The following SLC24A2 variants were observed in gnomAD, a reference collection of about 807,000 sequenced individuals.
SLC24A2 encodes sodium/potassium/calcium exchanger 2.
A neutral mutation model predicts 62.0 loss-of-function variants in SLC24A2; 36 were observed. That is an observed-to-expected ratio of 0.58 (90% CI 0.44 to 0.77). The LOEUF (loss-of-function observed/expected upper bound fraction) is 0.77. Ranked by LOEUF, SLC24A2 falls within the 30% of genes least tolerant of loss-of-function variation. The pLI, the probability that SLC24A2 is intolerant of heterozygous loss-of-function variation, is 0.00. For missense variants in SLC24A2, 846 were observed against 817.9 expected (o/e 1.03, Z -0.42); for synonymous variants, 358 against 294.0 (o/e 1.22, Z -2.23).
chr9:19,795,941 TAA>T, the SLC24A2 span, among the ~76,000 whole-genome samples: 2 of 151,312 alleles, frequency 1.3e-5, no homozygotes, highest in Non-Finnish European at 2.9e-5. Flanking sequence ...TATACAGCCA[TAA>T]AAAAATGATG....
At chr9:19,861,128 T>G in the SLC24A2 span, among the ~76,000 whole-genome samples, 1 of 152,128 alleles carries the variant, frequency 6.6e-6, no homozygotes, top group Non-Finnish European at 1.5e-5. Flanking sequence ...AGGGCTTGGG[T>G]AAGACCCAGT....
At chr9:19,979,718 T>A in the SLC24A2 span, among the ~76,000 whole-genome samples, 1 of 152,174 alleles carries the variant, frequency 6.6e-6, no homozygotes, top group Non-Finnish European at 1.5e-5. Context: ...ATGATCCCAA[T>A]ATCCTAAGGT....
chr9:19,741,061 C>A (rs543219479), intron 2 of SLC24A2, among the ~76,000 whole-genome samples: 22 of 152,236 alleles, frequency 1.4e-4, no homozygotes, highest in African/African-American at 5.1e-4. Context: ...CTCTGTATGT[C>A]CTTCCTGGCA....
the SLC24A2 span, among the ~76,000 whole-genome samples, chr9:19,824,091 A>C: frequency 2.4e-4 from 36 of 152,216 alleles, no homozygotes; most frequent in African/African-American, 6.5e-4. Flanking sequence ...CTAGACAGTA[A>C]TATTCAGGAC....
At chr9:19,973,802 G>C in the SLC24A2 span, among the ~76,000 whole-genome samples, 1 of 152,122 alleles carries the variant, frequency 6.6e-6, no homozygotes, top group Non-Finnish European at 1.5e-5. Flanking sequence ...TTAACTAAAA[G>C]GTTGTTTAAA....
At chr9:20,081,022 T>A in the SLC24A2 span, among the ~76,000 whole-genome samples, 29 of 152,310 alleles carry the variant, frequency 1.9e-4, no homozygotes, top group African/African-American at 6.7e-4. Flanking sequence ...ACTTTTACAA[T>A]GTTGGTGGGA....
chr9:19,926,385 C>T, the SLC24A2 span: 2 of 152,220 alleles, frequency 1.3e-5, no homozygotes, highest in Non-Finnish European at 2.9e-5. Context: ...ACTGGGATCA[C>T]ACAGAGTTCT....
the SLC24A2 span, among the ~76,000 whole-genome samples, chr9:20,256,921 TACAC>T: frequency 1.4e-3 from 166 of 119,940 alleles, 1 homozygote; most frequent in African/African-American, 2.8e-3. Flanking sequence ...CTCCAGCATG[TACAC>T]ACACACACAC....
intron 2 of SLC24A2, among the ~76,000 whole-genome samples, chr9:19,706,281 G>A (rs1205776385): frequency 6.6e-6 from 1 of 151,504 alleles, no homozygotes; most frequent in Non-Finnish European, 1.5e-5. Flanking sequence ...TTTTCCATTT[G>A]CTTGGTAGAT....
At chr9:20,110,704 T>A in the SLC24A2 span, among the ~76,000 whole-genome samples, 1 of 152,018 alleles carries the variant, frequency 6.6e-6, no homozygotes, top group Non-Finnish European at 1.5e-5. Flanking sequence ...AAATTTTAAA[T>A]TATTTTAAGG....
intron 8 of SLC24A2, among the ~76,000 whole-genome samples, chr9:19,535,807 G>A (rs1274935311): frequency 6.6e-6 from 1 of 152,096 alleles, no homozygotes; most frequent in Non-Finnish European, 1.5e-5. Flanking sequence ...CTTTGCTTAG[G>A]ATTGCCTTGG....
At chr9:19,914,332 C>T in the SLC24A2 span, among the ~76,000 whole-genome samples, 1 of 151,148 alleles carries the variant, frequency 6.6e-6, no homozygotes, top group Non-Finnish European at 1.5e-5. Flanking sequence ...GCCTCCTAAA[C>T]ATGTCCACTG....
chr9:20,146,227 G>A, the SLC24A2 span, among the ~76,000 whole-genome samples: 2 of 152,188 alleles, frequency 1.3e-5, no homozygotes, highest in Admixed American at 6.5e-5. Context: ...TAAGGTGGAG[G>A]GGCAAGGGAT....
At chr9:19,813,875 G>A in the SLC24A2 span, among the ~76,000 whole-genome samples, 1 of 152,014 alleles carries the variant, frequency 6.6e-6, no homozygotes, top group East Asian at 1.9e-4. Flanking sequence ...CTGGAAATGG[G>A]CCCTCATCAG....
At chr9:19,709,576 T>C (rs1820649749) in intron 2 of SLC24A2, among the ~76,000 whole-genome samples, 1 of 151,572 alleles carries the variant, frequency 6.6e-6, no homozygotes, top group African/African-American at 2.4e-5. Flanking sequence ...TATGCAGCCA[T>C]AAAAAATGAA....
chr9:20,184,236 T>A, the SLC24A2 span, among the ~76,000 whole-genome samples: 1 of 152,154 alleles, frequency 6.6e-6, no homozygotes, highest in Non-Finnish European at 1.5e-5. Flanking sequence ...CATACCTGTT[T>A]GAATGCCTAT....
chr9:19,942,168 A>G, the SLC24A2 span, among the ~76,000 whole-genome samples: 1 of 152,196 alleles, frequency 6.6e-6, no homozygotes, highest in East Asian at 1.9e-4. Context: ...GTAAGAGTAA[A>G]TATCTTGTTT....
chr9:20,249,534 A>G, the SLC24A2 span, among the ~76,000 whole-genome samples: 1 of 151,970 alleles, frequency 6.6e-6, no homozygotes, highest in Admixed American at 6.6e-5. Context: ...ATGAAACTCC[A>G]TCTCTATTAA....
At chr9:19,682,121 T>C (rs760812633) in intron 2 of SLC24A2, among the ~76,000 whole-genome samples, 2 of 152,160 alleles carry the variant, frequency 1.3e-5, no homozygotes, top group African/African-American at 2.4e-5. Flanking sequence ...TGAAACTCAT[T>C]ATCTTGCATC....
Sources: allele counts gnomAD v4.1 joint callset (sites outside exome capture counted in the v4.1 genomes callset), GRCh38; gene constraint gnomAD v4.1.1; transcripts MANE v1.5; gene names NCBI Gene and HGNC (gene_info 2026-07-23, HGNC 2026-07-21).